The following MYT1 variants were observed in gnomAD, a reference collection of about 807,000 sequenced individuals.
The protein encoded by MYT1 is myelin transcription factor I.
Under a neutral mutation model 123.0 loss-of-function variants are expected in MYT1, and 23 were observed. The ratio of observed to expected loss-of-function variants is 0.19; its 90% confidence interval spans 0.13 to 0.26. MYT1 has a LOEUF of 0.26. Ranked by LOEUF, MYT1 falls within the 10% of genes least tolerant of loss-of-function variation. MYT1 has a pLI of 1.00. For synonymous variants in MYT1, 518 were observed against 575.3 expected, an observed-to-expected ratio of 0.90 and a Z score of 1.43; for missense variants, 1,125 against 1,472.5, an observed-to-expected ratio of 0.76 and a Z score of 3.86.
rs1364255157 is a variant in MYT1, at chr20:64,191,110, T to TA, written c.-1+951dup. On this transcript the variant is annotated intron_variant, in intron 2 of 22. Transcript: ENST00000328439. The surrounding 1 kb of genome is among the most constrained non-coding windows in gnomAD (Gnocchi z 4.1). ...AACTGTTCTCTATTCACCCTGCTTT[T>TA]ACCTGGCCAGGCTGAGAATCCCTAC... Among the ~76,000 whole-genome samples, 5 of 152,260 alleles carry TA rather than the reference T, an allele frequency of 3.3e-5. No individual in the cohort carries two copies. The highest frequency in any genetic ancestry group is 2.9e-5 in the Non-Finnish European group (2 of 68,050).
At chr20:64,207,525 T>C (rs1418973673) in intron 6 of MYT1, 69 bp from the exon 7 acceptor site, 2 of 1,559,404 alleles carry the variant, frequency 1.3e-6, no homozygotes, top group Non-Finnish European at 1.7e-6. Context: ...GGTGGGTGTG[T>C]TGGGGACTGG....
rs929377317 is a variant in MYT1, at chr20:64,237,332, G to A, written c.3035G>A (p.Arg1012Gln). ...ATCAAGCAGCTGAACCAGGAGATCC[G>A]AGACCTGAACGAGTCCAACTCGGAG... ...EEIKQLNQEI[R>Q]DLNESNSEME... Residue 1012 changes from arginine (R) to glutamine (Q), a missense_variant, in exon 21 of 23, where the codon CGA (arginine) becomes CAA (glutamine). By Grantham distance (43) the Arg-to-Gln change is conservative. This residue lies in a region of MYT1 where 243 missense variants were observed against 323.1 expected (regional missense o/e 0.75). Transcript: ENST00000328439. 7 of 1,611,020 alleles carry A rather than the reference G, an allele frequency of 4.3e-6. No individual in the cohort carries two copies. Among genetic ancestry groups the A allele is most frequent in the Admixed American group, 3.3e-5 (2 of 59,736 alleles).
intron 1 of MYT1, among the ~76,000 whole-genome samples, chr20:64,173,188 G>A (rs1982337594): frequency 6.6e-6 from 1 of 152,096 alleles, no homozygotes; most frequent in Admixed American, 6.6e-5. Context: ...ATTGGAAAAA[G>A]TGTCTCTGAT....
chr20:64,181,931 G>T (rs1982664072), intron 1 of MYT1, among the ~76,000 whole-genome samples: 1 of 152,220 alleles, frequency 6.6e-6, no homozygotes, highest in Non-Finnish European at 1.5e-5. Context: ...GACCTCAGGG[G>T]TGTCCCCTTG....
At chr20:64,195,925 T>C (rs1008782661) in intron 2 of MYT1, among the ~76,000 whole-genome samples, 1 of 152,194 alleles carries the variant, frequency 6.6e-6, no homozygotes, top group Non-Finnish European at 1.5e-5. Context: ...TTCATGGTTT[T>C]CCTATCGAAG....
In MYT1 at chr20:64,193,913, C is replaced by T. The variant is rs747091303; in HGVS notation, c.-1+3753C>T. 2.2e-4 allele frequency among the ~76,000 whole-genome samples: 33 copies of T among 152,250 alleles called. No homozygotes were observed. The highest frequency in any genetic ancestry group is 6.2e-4 in the South Asian group (3 of 4,812). ...CATTTTAAATAAAATAAAACACTAC[C>T]GTGTCTCCTTCTCTGGCCCAGCGCT... On this transcript the variant is annotated intron_variant, in intron 2 of 22. Transcript: ENST00000328439. This position sits in a 1 kb window ranked among gnomAD's most constrained non-coding sequence, Gnocchi z 4.0.
intron 13 of MYT1, among the ~76,000 whole-genome samples, chr20:64,220,527 C>CT (rs562207920): frequency 1.3e-4 from 20 of 152,194 alleles, no homozygotes; most frequent in Non-Finnish European, 2.5e-4. Flanking sequence ...GGATCCTTCC[C>CT]TTTTTAGTTC....
intron 10 of MYT1, among the ~76,000 whole-genome samples, chr20:64,216,540 TGAA>T (rs1480826447): frequency 2.0e-5 from 3 of 152,186 alleles, no homozygotes; most frequent in Admixed American, 6.5e-5. Context: ...CCTGGCTGAA[TGAA>T]GAAGGGTCAG....
At chr20:64,225,930 G>A (rs999000123) in intron 16 of MYT1, among the ~76,000 whole-genome samples, 13 of 152,262 alleles carry the variant, frequency 8.5e-5, no homozygotes, top group Non-Finnish European at 1.5e-4. Context: ...AGATGCCATC[G>A]GGAAGTATCT....
chr20:64,240,011 G>A, intron 22 of MYT1, 108 bp downstream of exon 22: 1 of 1,482,020 alleles, frequency 6.7e-7, no homozygotes, highest in Non-Finnish European at 9.1e-7. Context: ...TCCTGCCCTA[G>A]GGGCCCTGTG....
rs568276324 is a variant in MYT1 at position 64,217,029 on chromosome 20, C to G, written c.1632-38C>G. 40 of 1,580,398 alleles carry G rather than the reference C, an allele frequency of 2.5e-5. No individual in the cohort carries two copies. In the South Asian group the frequency reaches 3.6e-4, roughly 14 times the overall value. Reference sequence around the variant, plus strand: ...GAGGGTGGCACGGGATCCCCAGGTCCCATCTCACTGGCTGTGCATCCCTGT... The same window carrying G: ...GAGGGTGGCACGGGATCCCCAGGTCGCATCTCACTGGCTGTGCATCCCTGT... On this transcript the variant is annotated intron_variant, in intron 10 of 22. Coordinates refer to ENST00000328439, the MANE Select transcript of MYT1 (RefSeq NM_004535.3).
At chr20:64,211,486 C>A in intron 8 of MYT1, 146 bp downstream of exon 8, 1 of 849,132 alleles carries the variant, frequency 1.2e-6, no homozygotes, top group African/African-American at 1.7e-5. Context: ...TTACATCTCC[C>A]CGCTTTCCCC....
rs967143382 is a variant in MYT1, at chr20:64,167,905, G to A, written c.-99+3166G>A. Among the ~76,000 whole-genome samples the A allele has an allele frequency of 2.0e-5, 3 of 152,218 alleles. No homozygotes were observed. The highest frequency in any genetic ancestry group is 6.5e-5 in the Admixed American group (1 of 15,278). The stretch of plus-strand genomic sequence containing the variant: ...CCAGCATCATTAGATTAGTCAGACC[G>A]AGAAACGCCGTGTTTCCCAGAAGGG... On this transcript the variant is annotated intron_variant, in intron 1 of 22. Transcript: ENST00000328439. The surrounding 1 kb of genome is among the most constrained non-coding windows in gnomAD (Gnocchi z 6.3).
chr20:64,207,597 G>A lies in MYT1; in HGVS notation c.401G>A (p.Arg134Lys). 3 of 1,612,032 alleles carry A rather than the reference G, an allele frequency of 1.9e-6. No homozygotes were observed. Among genetic ancestry groups the A allele is most frequent in the Non-Finnish European group, 2.5e-6 (3 of 1,178,852 alleles). The change falls in exon 7 of 23, where the codon AGG becomes AAG. Residue 134 changes from arginine (R) to lysine (K), a missense_variant. This residue lies in a region of MYT1 where 406 missense variants were observed against 432.2 expected (regional missense o/e 0.94). Transcript: ENST00000328439. ...CGTTGATTTTGATTTTGTGCAGGAAGGAGCCCCGTCAAGTCCCATTTTGGA... is the reference window on the plus strand; with the variant it reads ...CGTTGATTTTGATTTTGTGCAGGAAAGAGCCCCGTCAAGTCCCATTTTGGA... The part of the protein sequence containing the change: ...EIHRPETAEG[R>K]SPVKSHFGSN...
chr20:64,222,112 C>T, intron 14 of MYT1, 65 bp downstream of exon 14: 1 of 1,569,734 alleles, frequency 6.4e-7, no homozygotes, highest in Non-Finnish European at 8.7e-7. Context: ...GGAACAGGCC[C>T]TGGTCCCAAC....
intron 7 of MYT1, 121 bp from the exon 8 acceptor site, chr20:64,211,085 T>A: frequency 9.0e-7 from 1 of 1,112,002 alleles, no homozygotes; most frequent in Non-Finnish European, 1.3e-6. Flanking sequence ...TTCAAGCTCA[T>A]GGGCAGTCTC....
Position 64,208,087 on chromosome 20 carries a change from A to AGAGGAAGAGGAAGAGGAGGAGGAG in MYT1, c.896_919dup (p.Glu299_Glu306dup). Reference sequence around the variant, plus strand: ...AGGAGGAAGAGGAAGAGGAGGAGGAAGAGGAAGAGGAAGAGGAGGAGGAGG... The same window carrying AGAGGAAGAGGAAGAGGAGGAGGAG: ...AGGAGGAAGAGGAAGAGGAGGAGGAAGAGGAAGAGGAAGAGGAGGAGGAGGAGGAAGAGGAAGAGGAGGAGGAGG... On this transcript the variant is annotated inframe_insertion, in exon 7 of 23. Transcript: ENST00000328439. This position sits in a 1 kb window ranked among gnomAD's most constrained non-coding sequence, Gnocchi z 5.4. 1 of 1,595,118 alleles carries AGAGGAAGAGGAAGAGGAGGAGGAG rather than the reference A, an allele frequency of 6.3e-7. No individual in the cohort carries two copies. The highest frequency in any genetic ancestry group is 8.5e-7 in the Non-Finnish European group (1 of 1,170,644).
intron 1 of MYT1, among the ~76,000 whole-genome samples, chr20:64,180,756 C>T (rs542814179): frequency 1.3e-5 from 2 of 152,290 alleles, no homozygotes; most frequent in South Asian, 2.1e-4. Flanking sequence ...TCCTTTGTAG[C>T]GTTGAGCGTT....
chr20:64,215,835 C>T (rs1983824111), intron 10 of MYT1, among the ~76,000 whole-genome samples: 1 of 151,258 alleles, frequency 6.6e-6, no homozygotes, highest in East Asian at 1.9e-4. Context: ...CTGGCTTCAA[C>T]AGACCTGCCT....
Sources: gnomAD v4.1 joint callset for allele counts (sites outside exome capture counted in the v4.1 genomes callset) on GRCh38, gnomAD v4.1.1 for gene constraint, gnomAD v4.1.1 regional missense constraint, Gnocchi (gnomAD v3.1) non-coding constraint, MANE v1.5 for transcripts, NCBI Gene and HGNC (gene_info 2026-07-23, HGNC 2026-07-21) for gene names.